The following CRHBP variants were observed in gnomAD, a reference collection of about 807,000 sequenced individuals.
CRHBP encodes the protein corticotropin releasing hormone binding protein, also known as corticotropin-releasing hormone-binding protein.
Under a neutral mutation model 34.9 loss-of-function variants are expected in CRHBP, and 19 were observed. The ratio of observed to expected loss-of-function variants is 0.55; its 90% CI spans 0.38 to 0.80. CRHBP has a LOEUF of 0.80. Among genes scored for constraint, CRHBP ranks in the 30% least tolerant of loss-of-function variants. CRHBP has a pLI of 0.00. For missense variants in CRHBP, 328 were observed against 409.2 expected (o/e 0.80, Z 1.71); for synonymous variants, 154 against 153.4 (o/e 1.00, Z -0.03).
chr5:76,960,772 GT>G (rs35214445), intron 5 of CRHBP, among the ~76,000 whole-genome samples: 3 of 148,202 alleles, frequency 2.0e-5, no homozygotes, highest in African/African-American at 2.5e-5. Context: ...TTTGTTTTTT[GT>G]TTTTTTTTTG....
At chr5:76,966,426 C>T (rs1027716903) in intron 6 of CRHBP, among the ~76,000 whole-genome samples, 7 of 152,202 alleles carry the variant, frequency 4.6e-5, no homozygotes, top group Admixed American at 6.5e-5. Flanking sequence ...GCTTGTTCCA[C>T]GGCCAGTACA....
At chr5:76,973,254 G>A (rs1254354698), downstream of CRHBP, among the ~76,000 whole-genome samples, 3 of 152,148 alleles carry the variant, frequency 2.0e-5, no homozygotes, top group Admixed American at 2.0e-4. Flanking sequence ...GGCCTGACTT[G>A]ACTCTTCCAA....
rs1875999 is a variant in CRHBP, at chr5:76,969,157, T to C, written c.*272T>C. The C allele has an allele frequency of 0.38, 119,016 of 315,770 alleles. 23,451 individuals carry two copies. Among genetic ancestry groups the C allele is most frequent in the East Asian group, 0.59 (10,678 of 18,118 alleles). 19.6% of individuals were successfully genotyped at this position (315,770 alleles called of 1,614,324 possible). A position where few individuals can be genotyped will look rare whatever the true frequency, so the allele number is the denominator to read the frequency against. On this transcript the variant is annotated 3_prime_UTR_variant, in exon 7 of 7. Transcript: ENST00000274368. ...CTAAATGGAAATGTTTGTAATTCTTTGATGTGCTACAAACCTGAAACTGGT... is the reference window on the plus strand; with the variant it reads ...CTAAATGGAAATGTTTGTAATTCTTCGATGTGCTACAAACCTGAAACTGGT...
downstream of CRHBP, among the ~76,000 whole-genome samples, chr5:76,972,604 T>A (rs1423261045): frequency 6.6e-6 from 1 of 152,164 alleles, no homozygotes; most frequent in Non-Finnish European, 1.5e-5. Context: ...AATGTTAGGA[T>A]TATAGGCATG....
intron 3 of CRHBP, among the ~76,000 whole-genome samples, chr5:76,954,589 G>T (rs1203044326): frequency 2.0e-5 from 3 of 152,170 alleles, no homozygotes; most frequent in Non-Finnish European, 4.4e-5. Flanking sequence ...GGCCGTCTTG[G>T]TTAGAAGGCC....
chr5:76,972,860 T>C (rs969418762), downstream of CRHBP, among the ~76,000 whole-genome samples: 3 of 152,170 alleles, frequency 2.0e-5, no homozygotes, highest in Non-Finnish European at 4.4e-5. Flanking sequence ...TCTCTTACAG[T>C]TAGGCTTGGT....
At chr5:76,953,880 G>C (rs1489032943) in intron 2 of CRHBP, 149 bp from the exon 3 acceptor site, 1 of 1,180,724 alleles carries the variant, frequency 8.5e-7, no homozygotes, top group East Asian at 2.6e-5. Context: ...GCGCGCCCGG[G>C]GCGCAGGAAC....
intron 3 of CRHBP, among the ~76,000 whole-genome samples, chr5:76,977,115 A>C (rs950274176): frequency 2.0e-5 from 3 of 152,208 alleles, no homozygotes; most frequent in African/African-American, 7.2e-5. Flanking sequence ...GCCAACTGCC[A>C]GGTAAAGGTA....
Position 76,959,450 on chromosome 5 carries a change from A to G in CRHBP, c.693+561A>G, listed in dbSNP as rs539854974. ...TAAAAAATATTAGCCAAGAACCCCT[A>G]TCAACTTGTTTTTGAATAAACTTCT... On this transcript the variant is annotated intron_variant, in intron 5 of 6. Coordinates refer to ENST00000274368, the MANE Select transcript of CRHBP (RefSeq NM_001882.4). Among the ~76,000 whole-genome samples, 14 of 152,318 alleles carry G rather than the reference A, an allele frequency of 9.2e-5. No individual in the cohort carries two copies. In the South Asian group the frequency reaches 2.5e-3, roughly 27 times the overall value.
At chr5:76,975,825 A>ATAT (rs1364805675) in intron 2 of CRHBP, among the ~76,000 whole-genome samples, 48 of 61,826 alleles carry the variant, frequency 7.8e-4, no homozygotes, top group Non-Finnish European at 1.0e-3. Flanking sequence ...AAAAAAAAAA[A>ATAT]ATATATATAT....
At chr5:76,975,004 A>T (rs986972877) in intron 2 of CRHBP, among the ~76,000 whole-genome samples, 3 of 152,224 alleles carry the variant, frequency 2.0e-5, no homozygotes, top group Non-Finnish European at 4.4e-5. Flanking sequence ...TAGGGGAAAG[A>T]TTTCATGTCA....
chr5:76,962,074 ATGTG>A (rs1318667424), intron 5 of CRHBP, among the ~76,000 whole-genome samples: 1 of 152,022 alleles, frequency 6.6e-6, no homozygotes, highest in African/African-American at 2.4e-5. Context: ...AAATGCCTGA[ATGTG>A]TGTGCTTATG....
chr5:76,955,838 C>T lies in CRHBP; in HGVS notation c.519C>T (p.Thr173=). The T allele has an allele frequency of 6.2e-7, 1 of 1,614,132 alleles. No homozygotes were observed. Among genetic ancestry groups the T allele is most frequent in the Non-Finnish European group, 8.5e-7 (1 of 1,180,016 alleles). The change falls in exon 4 of 7, where the codon ACC becomes ACT. Residue 173 remains threonine (T), a synonymous_variant. Transcript: ENST00000274368. The part of the protein sequence containing the change: ...VHEPGNGFTL[T]IKTDPNLFPC... ...AACCAGGAAATGGATTCACATTAAC[C>T]ATAAAGACAGACCCCAACCTCTTTC...
At chr5:76,973,067 G>A (rs115291755), downstream of CRHBP, among the ~76,000 whole-genome samples, 2,767 of 152,176 alleles carry the variant, frequency 0.018, 79 homozygotes, top group African/African-American at 0.062. Context: ...CCACATAGAC[G>A]GCTGCCTATT....
intron 5 of CRHBP, 65 bp from the exon 6 acceptor site, chr5:76,963,278 G>C: frequency 7.4e-7 from 1 of 1,352,954 alleles, no homozygotes; most frequent in East Asian, 2.3e-5. Flanking sequence ...ACCCGCTGTT[G>C]GTCAAATGGT....
chr5:76,958,505 AC>A (rs1385441693), intron 4 of CRHBP, among the ~76,000 whole-genome samples: 5 of 152,078 alleles, frequency 3.3e-5, no homozygotes, highest in African/African-American at 1.2e-4. Flanking sequence ...CCTAAGATTA[AC>A]ATTAGAAGCC....
intron 4 of CRHBP, 55 bp downstream of exon 4, chr5:76,955,918 G>GT: frequency 2.7e-6 from 4 of 1,503,106 alleles, no homozygotes; most frequent in Non-Finnish European, 3.6e-6. Flanking sequence ...CTTTTTGAAA[G>GT]TAGTATCATT....
At chr5:76,975,282 C>T (rs1213079323) in intron 2 of CRHBP, among the ~76,000 whole-genome samples, 1 of 152,120 alleles carries the variant, frequency 6.6e-6, no homozygotes, top group Non-Finnish European at 1.5e-5. Flanking sequence ...AAATGCCCAC[C>T]CTTACAACCC....
At chr5:76,978,153 G>T (rs1580101769) in intron 3 of CRHBP, among the ~76,000 whole-genome samples, 1 of 152,152 alleles carries the variant, frequency 6.6e-6, no homozygotes, top group Non-Finnish European at 1.5e-5. Context: ...TTAAAAAAAA[G>T]GTGCAAGATG....
Sources: gnomAD v4.1 joint callset for allele counts (sites outside exome capture counted in the v4.1 genomes callset) on GRCh38, gnomAD v4.1.1 for gene constraint, MANE v1.5 for transcripts, NCBI Gene and HGNC (gene_info 2026-07-23, HGNC 2026-07-21) for gene names.